The following LIN7A variants were observed in gnomAD, a reference collection of about 807,000 sequenced individuals.
The protein encoded by LIN7A is lin-7 cell polarity scaffold A, also known as protein lin-7 homolog A.
Under a neutral mutation model 29.8 loss-of-function variants are expected in LIN7A, and 25 were observed. The ratio of observed to expected loss-of-function variants is 0.84; its 90% confidence interval spans 0.61 to 1.17. The LOEUF is 1.17. Among genes scored for constraint, LIN7A ranks in the 50% most tolerant of loss-of-function variants. The pLI, the probability that LIN7A is intolerant of heterozygous loss-of-function variation, is 0.00. For missense variants in LIN7A, 239 were observed against 287.0 expected (o/e 0.83, Z 1.21); for synonymous variants, 118 against 107.5 (o/e 1.10, Z -0.60).
chr12:80,808,568 C>T (rs1012625090), intron 5 of LIN7A, among the ~76,000 whole-genome samples: 1 of 150,228 alleles, frequency 6.7e-6, no homozygotes, highest in Admixed American at 6.7e-5. Flanking sequence ...TGCAGTGACG[C>T]GATCTCGGCT....
intron 2 of LIN7A, among the ~76,000 whole-genome samples, chr12:80,858,530 G>A (rs895737132): frequency 7.4e-6 from 1 of 134,280 alleles, no homozygotes; most frequent in Admixed American, 7.6e-5. Flanking sequence ...TTTTTAAGTT[G>A]TTCAAAAAAG....
At chr12:80,878,612 G>C (rs1592918662) in intron 2 of LIN7A, among the ~76,000 whole-genome samples, 3 of 152,330 alleles carry the variant, frequency 2.0e-5, no homozygotes, top group East Asian at 1.9e-4. Context: ...AAAGAGATCT[G>C]AGCGGGTTGC....
chr12:80,873,704 T>C (rs1449852522), intron 2 of LIN7A, among the ~76,000 whole-genome samples: 1 of 152,172 alleles, frequency 6.6e-6, no homozygotes, highest in Non-Finnish European at 1.5e-5. Context: ...CACTGGTCAC[T>C]GGCCCATGTT....
In LIN7A at chr12:80,793,035, T is replaced by C. The variant is rs189439580; in HGVS notation, c.*4692A>G. ...AAGTATTTTATATACAGTGACTCACTTAGTGACTCATTCATTTTAATGTAA... is the reference window on the plus strand; with the variant it reads ...AAGTATTTTATATACAGTGACTCACCTAGTGACTCATTCATTTTAATGTAA... On this transcript the variant is annotated 3_prime_UTR_variant, in exon 6 of 6. Transcript: ENST00000552864. 1 of 151,882 alleles carries C rather than the reference T, an allele frequency of 6.6e-6. No homozygotes were observed. The highest frequency in any genetic ancestry group is 1.5e-5 in the Non-Finnish European group (1 of 68,030). 9.4% of individuals were successfully genotyped at this position (151,882 alleles called of 1,614,324 possible).
In LIN7A at chr12:80,839,245, T is replaced by A. The variant is rs1872705097; in HGVS notation, c.483+6485A>T. Among the ~76,000 whole-genome samples, 5 of 152,340 alleles carry A rather than the reference T, an allele frequency of 3.3e-5. No individual in the cohort carries two copies. In the South Asian group the frequency reaches 1.0e-3, roughly 32 times the overall value. ...ATATTTATTTACCTTAAATTATGATTAATAAGGCTAGACTGCCTGAGTTAG... is the reference window on the plus strand; with the variant it reads ...ATATTTATTTACCTTAAATTATGATAAATAAGGCTAGACTGCCTGAGTTAG... On this transcript the variant is annotated intron_variant, in intron 4 of 5. Transcript: ENST00000552864.
chr12:80,916,194 C>G (rs975010740), intron 1 of LIN7A, among the ~76,000 whole-genome samples: 4 of 152,156 alleles, frequency 2.6e-5, no homozygotes, highest in Non-Finnish European at 4.4e-5. Flanking sequence ...CTACTCTTTA[C>G]ATTCTATGAT....
At chr12:80,841,470 C>A (rs937144178) in intron 4 of LIN7A, among the ~76,000 whole-genome samples, 1 of 151,984 alleles carries the variant, frequency 6.6e-6, no homozygotes, top group South Asian at 2.1e-4. Context: ...GTGTTCTATA[C>A]AAGATATTTA....
At chr12:80,935,208 C>T (rs79386719) in intron 1 of LIN7A, among the ~76,000 whole-genome samples, 41 of 152,238 alleles carry the variant, frequency 2.7e-4, no homozygotes, top group African/African-American at 6.5e-4. Flanking sequence ...TCTTCCCTCA[C>T]GGAGTTCTAT....
intron 1 of LIN7A, among the ~76,000 whole-genome samples, chr12:80,912,601 G>C (rs1592945115): frequency 6.6e-6 from 1 of 151,564 alleles, no homozygotes; most frequent in African/African-American, 2.4e-5. Flanking sequence ...TGTAATCCCA[G>C]CTACTCAGGA....
At chr12:80,845,575 C>G (rs1873032022) in intron 4 of LIN7A, 155 bp downstream of exon 4, 2 of 531,710 alleles carry the variant, frequency 3.8e-6, no homozygotes, top group African/African-American at 3.9e-5. Flanking sequence ...TAGATTGCAG[C>G]TTTTATAGGT....
At chr12:80,888,705 C>T (rs1266644880) in intron 2 of LIN7A, among the ~76,000 whole-genome samples, 1 of 152,078 alleles carries the variant, frequency 6.6e-6, no homozygotes, top group Admixed American at 6.6e-5. Flanking sequence ...CAAGTCAATA[C>T]AAAATTCAAA....
intron 1 of LIN7A, among the ~76,000 whole-genome samples, chr12:80,924,275 A>T (rs1268414337): frequency 6.6e-6 from 1 of 152,210 alleles, no homozygotes. Flanking sequence ...CAGTGTGGAG[A>T]GGGTAGCAAT....
intron 1 of LIN7A, among the ~76,000 whole-genome samples, chr12:80,913,712 G>A (rs1876884785): frequency 6.6e-6 from 1 of 152,126 alleles, no homozygotes; most frequent in Non-Finnish European, 1.5e-5. Flanking sequence ...GTCTCACTCT[G>A]AACACTGACA....
intron 4 of LIN7A, among the ~76,000 whole-genome samples, chr12:80,839,761 G>A (rs2121533955): frequency 6.6e-6 from 1 of 152,242 alleles, no homozygotes; most frequent in Non-Finnish European, 1.5e-5. Flanking sequence ...TGGGCTGTGA[G>A]TACTTACTTT....
chr12:80,842,670 T>C (rs1394104445), intron 4 of LIN7A, among the ~76,000 whole-genome samples: 5 of 152,104 alleles, frequency 3.3e-5, no homozygotes, highest in Non-Finnish European at 7.4e-5. Context: ...TAGAATTATT[T>C]ACACTGATAA....
intron 4 of LIN7A, among the ~76,000 whole-genome samples, chr12:80,816,777 G>GTT (rs896553299): frequency 1.2e-4 from 18 of 151,578 alleles, no homozygotes; most frequent in Non-Finnish European, 5.9e-5. Context: ...TCTTTGCTTC[G>GTT]TTTTGTTTTG....
Position 80,809,409 on chromosome 12 carries a change from G to A in LIN7A, c.*2056C>T, listed in dbSNP as rs565447298. Among the ~76,000 whole-genome samples the A allele has an allele frequency of 2.6e-5, 4 of 152,264 alleles. No homozygotes were observed. The East Asian group carries it at 5.8e-4, about 22-fold the overall frequency. On this transcript the variant is annotated intron_variant, in intron 5 of 5. Transcript: ENST00000552864. ...AATCATTTTTCCAAGAATATTTGAA[G>A]TTCACTTCAAATACACATTCACAGA...
At chr12:80,843,143 T>A (rs1027842255) in intron 4 of LIN7A, among the ~76,000 whole-genome samples, 75 of 152,250 alleles carry the variant, frequency 4.9e-4, no homozygotes, top group African/African-American at 1.7e-3. Flanking sequence ...AAATGGAACT[T>A]AATTGGTAAG....
chr12:80,933,611 G>A lies in LIN7A; in HGVS notation c.82+4030C>T, dbSNP rs61934586. On this transcript the variant is annotated intron_variant, in intron 1 of 5. Coordinates refer to ENST00000552864, the MANE Select transcript of LIN7A (RefSeq NM_004664.4). The stretch of plus-strand genomic sequence containing the variant: ...TTATGAGTTACATCATCTGACCCCC[G>A]GCTACCAACTTTACACATCCCATTT... Among the ~76,000 whole-genome samples, 621 of 152,036 alleles carry A rather than the reference G, an allele frequency of 4.1e-3. 3 individuals are homozygous for A. Among genetic ancestry groups the A allele is most frequent in the Non-Finnish European group, 5.5e-3 (373 of 67,994 alleles).
Sources: allele counts gnomAD v4.1 joint callset (sites outside exome capture counted in the v4.1 genomes callset), GRCh38; gene constraint gnomAD v4.1.1; transcripts MANE v1.5; gene names NCBI Gene and HGNC (gene_info 2026-07-23, HGNC 2026-07-21).